PTPRK: variants seen among roughly 807,000 people sequenced by gnomAD.
PTPRK encodes the protein receptor-type tyrosine-protein phosphatase kappa.
Under a neutral mutation model 178.0 loss-of-function variants are expected in PTPRK, and 75 were observed. That is an observed-to-expected ratio of 0.42 (90% confidence interval 0.35 to 0.51). The LOEUF is 0.51. Among genes scored for constraint, PTPRK ranks in the 20% least tolerant of loss-of-function variants. The pLI is 0.02. For synonymous variants in PTPRK, 637 were observed against 620.6 expected, an observed-to-expected ratio of 1.03 and a Z score of -0.39; for missense variants, 1,441 against 1,797.8, an observed-to-expected ratio of 0.80 and a Z score of 3.59.
intron 7 of PTPRK, among the ~76,000 whole-genome samples, chr6:128,126,735 C>T (rs1183054960): frequency 1.3e-5 from 2 of 152,210 alleles, no homozygotes; most frequent in Non-Finnish European, 2.9e-5. Context: ...GCAACGCTCC[C>T]ATCTTGGCCT....
At position 128,083,808 on chromosome 6, in the gene PTPRK, T is replaced by A; in HGVS notation, c.1482A>T (p.Pro494=). The A allele has an allele frequency of 6.2e-7, 1 of 1,601,652 alleles. No homozygotes were observed. Among genetic ancestry groups the A allele is most frequent in the African/African-American group, 1.3e-5 (1 of 74,394 alleles). ...AGGATGTTCCTTGAAGAGATTTTACTGGTACGGGACCAGGCACTACAAAAC... is the reference window on the plus strand; with the variant it reads ...AGGATGTTCCTTGAAGAGATTTTACAGGTACGGGACCAGGCACTACAAAAC... ...QTDEDVPGPV[P]VKSLQGTSFE... The change falls in exon 9 of 30, where the codon CCA becomes CCT. Residue 494 remains proline (P), a synonymous_variant. Coordinates refer to ENST00000368226, the MANE Select transcript of PTPRK (RefSeq NM_002844.4).
At chr6:128,380,621 T>C (rs570291733) in intron 2 of PTPRK, among the ~76,000 whole-genome samples, 166 of 151,454 alleles carry the variant, frequency 1.1e-3, no homozygotes, top group Admixed American at 3.7e-3. Flanking sequence ...CGTAAACACA[T>C]CCATGGAGCT....
intron 1 of PTPRK, among the ~76,000 whole-genome samples, chr6:128,413,510 G>T (rs928508768): frequency 4.6e-5 from 7 of 152,038 alleles, no homozygotes; most frequent in Non-Finnish European, 1.0e-4. Flanking sequence ...CATCTGCTTG[G>T]ATATTTTTCA....
At chr6:128,486,829 G>A (rs1852983855) in intron 1 of PTPRK, among the ~76,000 whole-genome samples, 1 of 149,082 alleles carries the variant, frequency 6.7e-6, no homozygotes, top group Middle Eastern at 3.4e-3. Context: ...AAGAAGGAAG[G>A]AAGGAAGGAA....
At chr6:128,405,195 G>A (rs1841511574) in intron 1 of PTPRK, among the ~76,000 whole-genome samples, 1 of 152,114 alleles carries the variant, frequency 6.6e-6, no homozygotes, top group Non-Finnish European at 1.5e-5. Context: ...GGTGACTTAA[G>A]GCTGAAAATT....
intron 1 of PTPRK, among the ~76,000 whole-genome samples, chr6:128,479,090 T>C (rs1851727716): frequency 6.6e-6 from 1 of 152,044 alleles, no homozygotes; most frequent in African/African-American, 2.4e-5. Flanking sequence ...AGAGTGTAGC[T>C]GGTATTGTTC....
At chr6:128,359,550 G>A (rs981556402) in intron 2 of PTPRK, among the ~76,000 whole-genome samples, 1 of 151,952 alleles carries the variant, frequency 6.6e-6, no homozygotes, top group Non-Finnish European at 1.5e-5. Context: ...TCAGGAGCCC[G>A]GGGCCAGCCT....
At chr6:128,214,025 C>T (rs1486513647) in intron 6 of PTPRK, among the ~76,000 whole-genome samples, 1 of 152,104 alleles carries the variant, frequency 6.6e-6, no homozygotes, top group African/African-American at 2.4e-5. Flanking sequence ...GTCAGTCCCA[C>T]TCCTCTGATT....
At chr6:128,305,013 T>C (rs1303894585) in intron 3 of PTPRK, among the ~76,000 whole-genome samples, 1 of 141,324 alleles carries the variant, frequency 7.1e-6, no homozygotes, top group Non-Finnish European at 1.6e-5. Context: ...TCTTAAATAA[T>C]TTTTTTTCTG....
chr6:128,411,236 G>A (rs779519830), intron 1 of PTPRK, among the ~76,000 whole-genome samples: 26 of 151,982 alleles, frequency 1.7e-4, no homozygotes, highest in Non-Finnish European at 7.4e-5. Context: ...CACAGCAAAT[G>A]AACACACTCC....
chr6:128,163,793 T>C (rs944791054), intron 7 of PTPRK, among the ~76,000 whole-genome samples: 3 of 151,536 alleles, frequency 2.0e-5, no homozygotes, highest in Non-Finnish European at 4.4e-5. Context: ...TATTCCAAGC[T>C]ATCTGAAACA....
At chr6:128,472,427 C>T (rs908036580) in intron 1 of PTPRK, among the ~76,000 whole-genome samples, 9 of 149,594 alleles carry the variant, frequency 6.0e-5, no homozygotes, top group Non-Finnish European at 7.4e-5. Flanking sequence ...GACACCCCCC[C>T]CCCCTTTAGC....
chr6:128,397,091 C>T (rs2128368682), intron 2 of PTPRK, among the ~76,000 whole-genome samples: 1 of 152,298 alleles, frequency 6.6e-6, no homozygotes, highest in Middle Eastern at 3.4e-3. Context: ...TGTCTCCACA[C>T]TGCCTCCCCT....
rs192104440 is a variant in PTPRK, at chr6:128,289,426, T to C, written c.495+32613A>G. Among the ~76,000 whole-genome samples, 8 of 152,278 alleles carry C rather than the reference T, an allele frequency of 5.3e-5. No homozygotes were observed. In the South Asian group the frequency reaches 1.4e-3, roughly 28 times the overall value. ...TTATAAAATCTAAGTACAGTCTTAG[T>C]TCAAAGTATTGAAATAGAATGTCTG... On this transcript the variant is annotated intron_variant, in intron 3 of 29. Transcript: ENST00000368226.
chr6:128,159,811 A>G (rs1403284001), intron 7 of PTPRK, among the ~76,000 whole-genome samples: 1 of 151,796 alleles, frequency 6.6e-6, no homozygotes, highest in Non-Finnish European at 1.5e-5. Context: ...AATGTAAGCT[A>G]TCAATCACTT....
At chr6:128,488,844 T>C (rs141788769) in intron 1 of PTPRK, among the ~76,000 whole-genome samples, 1 of 152,014 alleles carries the variant, frequency 6.6e-6, no homozygotes, top group Non-Finnish European at 1.5e-5. Flanking sequence ...ATTTCAACTA[T>C]GAAGAAAATG....
chr6:128,492,186 C>A (rs1025782048), intron 1 of PTPRK, among the ~76,000 whole-genome samples: 1 of 152,046 alleles, frequency 6.6e-6, no homozygotes, highest in African/African-American at 2.4e-5. Flanking sequence ...TACTTCTGGG[C>A]CCTTCACATG....
chr6:128,244,023 G>A (rs1405622307), intron 3 of PTPRK, among the ~76,000 whole-genome samples: 3 of 152,162 alleles, frequency 2.0e-5, no homozygotes, highest in African/African-American at 7.2e-5. Flanking sequence ...AGCAGAGAAG[G>A]TAGAACTTAC....
chr6:128,042,556 C>T (rs1366004707), intron 13 of PTPRK, among the ~76,000 whole-genome samples: 1 of 152,066 alleles, frequency 6.6e-6, no homozygotes, highest in Non-Finnish European at 1.5e-5. Flanking sequence ...CCTTCTCTGC[C>T]TTTGATTCTG....
Sources: allele counts gnomAD v4.1 joint callset (sites outside exome capture counted in the v4.1 genomes callset), GRCh38; gene constraint gnomAD v4.1.1; transcripts MANE v1.5; gene names NCBI Gene and HGNC (gene_info 2026-07-23, HGNC 2026-07-21).